Variants in PPM1K observed in about 807,000 individuals in gnomAD.
PPM1K encodes protein phosphatase, Mg2+/Mn2+ dependent 1K.
A neutral mutation model predicts 32.6 loss-of-function variants in PPM1K; 19 were observed. That is an observed-to-expected ratio of 0.58 (90% confidence interval 0.41 to 0.86). The LOEUF (loss-of-function observed/expected upper bound fraction) is 0.86, where lower values mean the gene tolerates loss of function less well. Among genes scored for constraint, PPM1K ranks in the 40% least tolerant of loss-of-function variants. The pLI is 0.00. For missense variants in PPM1K, 362 were observed against 461.2 expected, an observed-to-expected ratio of 0.78 and a Z score of 1.97; for synonymous variants, 159 against 165.3, an observed-to-expected ratio of 0.96 and a Z score of 0.29.
rs116564150 is a variant in PPM1K at position 88,278,245 on chromosome 4, G to A, written c.339C>T (p.Phe113=). The A allele has an allele frequency of 1.0e-2, 16,124 of 1,614,138 alleles. 111 individuals are homozygous for A. Among genetic ancestry groups the A allele is most frequent in the Non-Finnish European group, 0.011 (13,395 of 1,180,006 alleles). The part of the protein sequence containing the change: ...KRKENEDRFD[F]AQLTDEVLYF... ...ACAGGACCTCATCTGTCAGCTGAGC[G>A]AAGTCAAACCGATCTTCATTCTCTT... Residue 113 remains phenylalanine, a synonymous_variant, in exon 2 of 7, where the codon TTC becomes TTT. Transcript: ENST00000608933. This position sits in a 1 kb window ranked among gnomAD's most constrained non-coding sequence, Gnocchi z 4.2.
chr4:88,277,271 A>T, intron 2 of PPM1K, 28 bp from the exon 3 acceptor site: 1 of 1,467,708 alleles, frequency 6.8e-7, no homozygotes, highest in South Asian at 1.1e-5. Context: ...AAAGAGCCTT[A>T]AACAATCATT....
At chr4:88,268,367 G>T in intron 4 of PPM1K, 33 bp from the exon 5 acceptor site, 3 of 1,613,626 alleles carry the variant, frequency 1.9e-6, no homozygotes, top group Non-Finnish European at 2.5e-6. Context: ...GGTGTGATAT[G>T]TAGAAAACCC....
Position 88,277,685 on chromosome 4 carries a change from A to T in PPM1K, c.441-442T>A, listed in dbSNP as rs545634718. 1.1e-4 allele frequency: 22 copies of T among 195,248 alleles called. No individual in the cohort carries two copies. The South Asian group carries it at 2.5e-3, about 22-fold the overall frequency. 12.1% of individuals were successfully genotyped at this position (195,248 alleles called of 1,614,324 possible). ...CATTAATACTAGTTGAAGTAAATAA[A>T]CGGAAGAGCTCCAAAATGCCTGCAT... On this transcript the variant is annotated intron_variant, in intron 2 of 6. Coordinates refer to ENST00000608933, the MANE Select transcript of PPM1K (RefSeq NM_152542.5).
At chr4:88,266,708 T>C (rs367944481) in intron 5 of PPM1K, among the ~76,000 whole-genome samples, 16 of 143,668 alleles carry the variant, frequency 1.1e-4, no homozygotes, top group African/African-American at 3.2e-4. Context: ...TGTTAGCTGA[T>C]TGGGTGCAGG....
intron 6 of PPM1K, among the ~76,000 whole-genome samples, chr4:88,264,454 T>G (rs1731232771): frequency 6.6e-6 from 1 of 152,232 alleles, no homozygotes; most frequent in Admixed American, 6.5e-5. Flanking sequence ...GACTATGCTA[T>G]ATCTTCAAAT....
intron 3 of PPM1K, chr4:88,271,134 C>T (rs1731541229): frequency 1.9e-6 from 1 of 518,322 alleles, no homozygotes; most frequent in Non-Finnish European, 3.9e-6. Context: ...CCACTGAAGC[C>T]CCGCATATAG....
At chr4:88,282,142 A>G (rs1244224829) in intron 1 of PPM1K, among the ~76,000 whole-genome samples, 1 of 152,204 alleles carries the variant, frequency 6.6e-6, no homozygotes, top group African/African-American at 2.4e-5. Flanking sequence ...GATTTAGGTC[A>G]ATTTTTTGAT....
chr4:88,262,951 A>C (rs1731179688), intron 6 of PPM1K, among the ~76,000 whole-genome samples: 1 of 152,206 alleles, frequency 6.6e-6, no homozygotes, highest in Admixed American at 6.5e-5. Flanking sequence ...GACCCAAAAC[A>C]ACCATATTAA....
At chr4:88,273,075 T>C (rs1578318887) in intron 3 of PPM1K, among the ~76,000 whole-genome samples, 1 of 152,204 alleles carries the variant, frequency 6.6e-6, no homozygotes, top group East Asian at 1.9e-4. Flanking sequence ...CAGTAAATAT[T>C]TTAAATGTTA....
rs1364722682 is a variant in PPM1K, at chr4:88,261,210, T to A, written c.*1385A>T. The A allele has an allele frequency of 1.3e-5, 2 of 152,216 alleles. No individual in the cohort carries two copies. The highest frequency in any genetic ancestry group is 4.8e-5 in the African/African-American group (2 of 41,454). 9.4% of individuals were successfully genotyped at this position (152,216 alleles called of 1,614,324 possible). On this transcript the variant is annotated 3_prime_UTR_variant, in exon 7 of 7. Coordinates refer to ENST00000608933, the MANE Select transcript of PPM1K (RefSeq NM_152542.5). ...ATGCAGATAAAGAGAAGTATAGTTT[T>A]ATACTTCCTAAGTTACACAGCAAGC... is the stretch of plus-strand genomic sequence containing the variant.
intron 3 of PPM1K, among the ~76,000 whole-genome samples, chr4:88,272,210 A>G (rs1227841794): frequency 6.6e-6 from 1 of 152,240 alleles, no homozygotes; most frequent in Non-Finnish European, 1.5e-5. Flanking sequence ...AAGCAGTAGC[A>G]GCACGGTAAG....
Position 88,261,801 on chromosome 4 carries a change from A to C in PPM1K, c.*794T>G, listed in dbSNP as rs1731127839. On this transcript the variant is annotated 3_prime_UTR_variant, in exon 7 of 7. Transcript: ENST00000608933. The stretch of plus-strand genomic sequence containing the variant: ...AACCCCCATCTCCTGGGTTCAAGTG[A>C]TTCCTCTTTCCTCAGCCTCCCGAGT... The C allele has an allele frequency of 7.1e-6, 1 of 140,896 alleles. No individual in the cohort carries two copies. Among genetic ancestry groups the C allele is most frequent in the Non-Finnish European group, 1.5e-5 (1 of 65,912 alleles). 8.7% of individuals were successfully genotyped at this position (140,896 alleles called of 1,614,324 possible).
At chr4:88,268,153 C>G (rs1169780145) in intron 5 of PPM1K, 37 bp downstream of exon 5, 1 of 1,608,594 alleles carries the variant, frequency 6.2e-7, no homozygotes, top group Non-Finnish European at 8.5e-7. Flanking sequence ...CATTCACTCT[C>G]CGCAGGTTTA....
At position 88,277,131 on chromosome 4, in the gene PPM1K, A is replaced by C; in HGVS notation, c.541+12T>G. 1 of 1,589,544 alleles carries C rather than the reference A, an allele frequency of 6.3e-7. No individual in the cohort carries two copies. Among genetic ancestry groups the C allele is most frequent in the Non-Finnish European group, 8.6e-7 (1 of 1,157,636 alleles). ...CTCCCTAGGATCCAAGGAATGTGAT[A>C]GTTTTACATACCATCAGCAGACAGG... On this transcript the variant is annotated intron_variant, in intron 3 of 6. Transcript: ENST00000608933.
At chr4:88,274,202 T>G (rs1442995926) in intron 3 of PPM1K, among the ~76,000 whole-genome samples, 1 of 152,216 alleles carries the variant, frequency 6.6e-6, no homozygotes, top group Non-Finnish European at 1.5e-5. Context: ...CTTTTATACC[T>G]AAAATCTCAC....
At chr4:88,265,166 A>G in intron 5 of PPM1K, 31 bp from the exon 6 acceptor site, 2 of 1,613,398 alleles carry the variant, frequency 1.2e-6, no homozygotes, top group African/African-American at 1.3e-5. Flanking sequence ...CTATGATTAT[A>G]AGCTAGACTC....
In PPM1K at chr4:88,278,754, T is replaced by C. The variant is rs558625932; in HGVS notation, c.-59-112A>G. The C allele has an allele frequency of 1.7e-6, 1 of 583,788 alleles. No individual in the cohort carries two copies. Among genetic ancestry groups the C allele is most frequent in the South Asian group, 2.3e-5 (1 of 44,226 alleles). 36.2% of individuals were successfully genotyped at this position (583,788 alleles called of 1,614,324 possible). A position where few individuals can be genotyped will look rare whatever the true frequency, so the allele number is the denominator to read the frequency against. ...TCAGAAATTTTGAATATAACTGATA[T>C]GTCATCAAATATTACCAAAAATGAA... On this transcript the variant is annotated intron_variant, in intron 1 of 6. Transcript: ENST00000608933. The surrounding 1 kb of genome is among the most constrained non-coding windows in gnomAD (Gnocchi z 4.2).
intron 5 of PPM1K, among the ~76,000 whole-genome samples, chr4:88,267,039 GCTGA>G (rs1160801016): frequency 2.7e-5 from 4 of 149,582 alleles, no homozygotes; most frequent in Non-Finnish European, 5.9e-5. Flanking sequence ...GGTGATGCTG[GCTGA>G]CTGGATGCAG....
At chr4:88,280,490 C>T (rs896583227) in intron 1 of PPM1K, among the ~76,000 whole-genome samples, 5 of 152,136 alleles carry the variant, frequency 3.3e-5, no homozygotes, top group Non-Finnish European at 5.9e-5. Flanking sequence ...CATGGCCGGA[C>T]CCGGTGGCTC....
Sources: allele counts gnomAD v4.1 joint callset (sites outside exome capture counted in the v4.1 genomes callset), GRCh38; gene constraint gnomAD v4.1.1; non-coding constraint Gnocchi (gnomAD v3.1); transcripts MANE v1.5; gene names NCBI Gene and HGNC (gene_info 2026-07-23, HGNC 2026-07-21).